The following CSMD1 variants were observed in gnomAD, a reference collection of about 807,000 sequenced individuals.
CSMD1 encodes the protein CUB and Sushi multiple domains 1, also known as CUB and sushi domain-containing protein 1.
CSMD1 carries 213 observed loss-of-function variants against 417.5 expected under a neutral mutation model. The ratio of observed to expected loss-of-function variants is 0.51; its 90% CI spans 0.46 to 0.57. The LOEUF is 0.57. CSMD1 is among the 20% of genes least tolerant of loss of function. The pLI, the probability that CSMD1 is intolerant of heterozygous loss-of-function variation, is 0.00. For missense variants in CSMD1, 6,923 were observed against 4,529.7 expected, an observed-to-expected ratio of 1.53 and a Z score of -15.17; for synonymous variants, 2,862 against 1,736.8, an observed-to-expected ratio of 1.65 and a Z score of -16.11.
intron 8 of CSMD1, among the ~76,000 whole-genome samples, chr8:3,591,442 T>C (rs1193102280): frequency 1.3e-5 from 2 of 152,220 alleles, no homozygotes; most frequent in African/African-American, 2.4e-5. Context: ...ATGGTTCTCA[T>C]AGAGCATAAC....
chr8:3,387,585 G>A lies in CSMD1; in HGVS notation c.2691C>T (p.Phe897=), dbSNP rs376100659. The A allele has an allele frequency of 2.1e-4, 330 of 1,600,746 alleles. No homozygotes were observed. The highest frequency in any genetic ancestry group is 2.7e-4 in the Non-Finnish European group (318 of 1,173,656). The change falls in exon 18 of 70, where the codon TTC becomes TTT. Residue 897 remains phenylalanine, a synonymous_variant. Coordinates refer to ENST00000635120, the MANE Select transcript of CSMD1 (RefSeq NM_033225.6). ...GDFGIRSTVT[F]SCDPGYTLSD... is the part of the protein sequence containing the mutation. ...TTAGTGTGTACCCCGGGTCACAGCT[G>A]AAAGTCACTGTGGACCTGATGCCAA...
At chr8:3,611,013 A>C (rs1009764814) in intron 8 of CSMD1, among the ~76,000 whole-genome samples, 3 of 144,446 alleles carry the variant, frequency 2.1e-5, no homozygotes, top group African/African-American at 7.7e-5. Flanking sequence ...GTTCTCACTC[A>C]TAGGTGGGAA....
intron 5 of CSMD1, among the ~76,000 whole-genome samples, chr8:3,967,963 C>T (rs192263073): frequency 7.0e-6 from 1 of 142,516 alleles, no homozygotes; most frequent in East Asian, 2.1e-4. Context: ...GTCAGGAGAT[C>T]GAGACCATCC....
chr8:3,137,911 G>A (rs1391813175), intron 41 of CSMD1, among the ~76,000 whole-genome samples: 2 of 152,150 alleles, frequency 1.3e-5, no homozygotes, highest in Non-Finnish European at 2.9e-5. Context: ...GTCAGTCTAG[G>A]TTCATTTATA....
chr8:4,924,339 C>G (rs1806706469), intron 1 of CSMD1, among the ~76,000 whole-genome samples: 1 of 152,156 alleles, frequency 6.6e-6, no homozygotes, highest in South Asian at 2.1e-4. Context: ...ATTTTCCTCT[C>G]AAGAATTTGA....
intron 10 of CSMD1, among the ~76,000 whole-genome samples, chr8:3,499,352 G>A (rs1461940307): frequency 6.6e-6 from 1 of 152,062 alleles, no homozygotes; most frequent in African/African-American, 2.4e-5. Context: ...AGACTTTGGG[G>A]TGGCCTTGTT....
chr8:4,875,407 G>A (rs186678037), intron 1 of CSMD1, among the ~76,000 whole-genome samples: 4 of 152,028 alleles, frequency 2.6e-5, no homozygotes, highest in Admixed American at 6.6e-5. Flanking sequence ...AGAATAAATT[G>A]TTAAACAGGG....
intron 3 of CSMD1, among the ~76,000 whole-genome samples, chr8:4,152,789 T>G (rs1345030995): frequency 6.6e-6 from 1 of 152,160 alleles, no homozygotes; most frequent in African/African-American, 2.4e-5. Flanking sequence ...CATGCATTTT[T>G]ATGGGAATAT....
Position 4,403,794 on chromosome 8 carries a change from T to G in CSMD1, c.415+16159A>C, listed in dbSNP as rs567300898. ...TCCATCTTGATCCTCTCTCCTGGAC[T>G]TCAGCTTACATTTCTAGCTGCTCAA... On this transcript the variant is annotated intron_variant, in intron 3 of 69. Transcript: ENST00000635120. 2.6e-5 allele frequency among the ~76,000 whole-genome samples: 4 copies of G among 152,178 alleles called. No homozygotes were observed. In the South Asian group the frequency reaches 8.3e-4, roughly 32 times the overall value.
chr8:4,970,461 C>T (rs1205485420), intron 1 of CSMD1, among the ~76,000 whole-genome samples: 4 of 152,144 alleles, frequency 2.6e-5, no homozygotes, highest in Non-Finnish European at 2.9e-5. Flanking sequence ...AAAATGACAT[C>T]GGTCATTTAT....
intron 1 of CSMD1, among the ~76,000 whole-genome samples, chr8:4,982,831 T>C (rs1193004438): frequency 6.6e-6 from 1 of 152,180 alleles, no homozygotes; most frequent in African/African-American, 2.4e-5. Flanking sequence ...CCTGACGACA[T>C]GCCCCTTCCG....
At chr8:3,353,973 G>C (rs1166185272) in intron 21 of CSMD1, among the ~76,000 whole-genome samples, 1 of 152,146 alleles carries the variant, frequency 6.6e-6, no homozygotes, top group African/African-American at 2.4e-5. Context: ...TGCTTGGCCT[G>C]CTGTAACAAA....
chr8:4,019,968 T>G (rs985793168), intron 4 of CSMD1, among the ~76,000 whole-genome samples: 1 of 151,912 alleles, frequency 6.6e-6, no homozygotes, highest in Non-Finnish European at 1.5e-5. Context: ...TGAGATCCTG[T>G]AGCTTACATG....
At chr8:3,708,902 G>C (rs6994482) in intron 6 of CSMD1, among the ~76,000 whole-genome samples, 135,578 of 152,194 alleles carry the variant, frequency 0.89, 60,860 homozygotes, top group East Asian at 0.99. Context: ...TAGATAAAAA[G>C]GCCAGTTGCT....
intron 5 of CSMD1, among the ~76,000 whole-genome samples, chr8:3,800,151 T>C (rs923113234): frequency 1.3e-5 from 2 of 152,076 alleles, no homozygotes; most frequent in South Asian, 4.1e-4. Flanking sequence ...TGTTTCCATG[T>C]GGAAAAAGAA....
chr8:3,984,164 G>T (rs1052452601), intron 5 of CSMD1, among the ~76,000 whole-genome samples: 1 of 152,042 alleles, frequency 6.6e-6, no homozygotes, highest in East Asian at 1.9e-4. Flanking sequence ...AGAGCACATC[G>T]CAGAAAATTC....
Position 4,083,036 on chromosome 8 carries a change from C to G in CSMD1, c.416-50937G>C, listed in dbSNP as rs564491421. 5.3e-5 allele frequency among the ~76,000 whole-genome samples: 8 copies of G among 151,948 alleles called. No individual in the cohort carries two copies. In the South Asian group the frequency reaches 8.3e-4, roughly 16 times the overall value. ...TCATTGTTGGACATTTGGGTTTGTT[C>G]CAAGTCTTTGCTATTGTGAATAGTG... On this transcript the variant is annotated intron_variant, in intron 3 of 69. Transcript: ENST00000635120.
At chr8:3,948,332 T>G (rs1469277824) in intron 5 of CSMD1, among the ~76,000 whole-genome samples, 1 of 152,026 alleles carries the variant, frequency 6.6e-6, no homozygotes, top group Non-Finnish European at 1.5e-5. Context: ...GGCTTAGAAT[T>G]TGGGACAGAG....
intron 33 of CSMD1, among the ~76,000 whole-genome samples, chr8:3,191,263 C>G (rs1796406920): frequency 1.3e-5 from 2 of 152,034 alleles, no homozygotes; most frequent in Non-Finnish European, 2.9e-5. Context: ...GTTTATCAGC[C>G]TGGCCAACAG....
Sources: gnomAD v4.1 joint callset for allele counts (sites outside exome capture counted in the v4.1 genomes callset) on GRCh38, gnomAD v4.1.1 for gene constraint, MANE v1.5 for transcripts, NCBI Gene and HGNC (gene_info 2026-07-23, HGNC 2026-07-21) for gene names.